CIT: variants seen among roughly 807,000 people sequenced by gnomAD.
CIT encodes citron Rho-interacting kinase.
CIT carries 79 observed loss-of-function variants against 272.7 expected under a neutral mutation model. The ratio of observed to expected loss-of-function variants is 0.29; its 90% CI spans 0.24 to 0.35. The LOEUF is 0.35. Among genes scored for constraint, CIT ranks in the 10% least tolerant of loss-of-function variants. CIT has a pLI of 1.00. For synonymous variants in CIT, 948 were observed against 995.6 expected (o/e 0.95, Z 0.90); for missense variants, 1,909 against 2,618.3 (o/e 0.73, Z 5.91).
At chr12:119,737,505 C>G (rs940390419) in intron 24 of CIT, among the ~76,000 whole-genome samples, 6 of 151,960 alleles carry the variant, frequency 3.9e-5, no homozygotes, top group Non-Finnish European at 8.8e-5. Context: ...GTGATGGTAG[C>G]CCATTTCTGC....
intron 4 of CIT, among the ~76,000 whole-genome samples, chr12:119,851,689 T>G (rs762512576): frequency 2.4e-4 from 36 of 152,222 alleles, no homozygotes; most frequent in African/African-American, 7.7e-4. Flanking sequence ...CAAGTCCACA[T>G]AGATATAAAA....
Position 119,718,335 on chromosome 12 carries a change from C to T in CIT, c.4078G>A (p.Ala1360Thr), listed in dbSNP as rs767158335. The change falls in exon 32 of 48, where the codon GCC becomes ACC. Residue 1360 changes from alanine (A) to threonine (T), a missense_variant. Coordinates refer to ENST00000392521, the MANE Select transcript of CIT (RefSeq NM_001206999.2). This position sits in a 1 kb window ranked among gnomAD's most constrained non-coding sequence, Gnocchi z 4.8. ...TGGTGCTCTGGCGACCGCACGATGGCGGACATGGCGATCTGCTGCCTCGCG... is the reference window on the plus strand; with the variant it reads ...TGGTGCTCTGGCGACCGCACGATGGTGGACATGGCGATCTGCTGCCTCGCG... ...ATARQQIAMS[A>T]IVRSPEHQPS... is the part of the protein sequence containing the mutation. 28 of 1,613,950 alleles carry T rather than the reference C, an allele frequency of 1.7e-5. No homozygotes were observed. The highest frequency in any genetic ancestry group is 3.3e-5 in the South Asian group (3 of 91,066).
chr12:119,853,051 T>C (rs1021620282), intron 4 of CIT, among the ~76,000 whole-genome samples: 1 of 151,978 alleles, frequency 6.6e-6, no homozygotes, highest in African/African-American at 2.4e-5. Context: ...CTTGCAACTT[T>C]TCTATAAATT....
intron 23 of CIT, among the ~76,000 whole-genome samples, chr12:119,750,135 G>A (rs756788696): frequency 6.6e-6 from 1 of 152,204 alleles, no homozygotes; most frequent in Non-Finnish European, 1.5e-5. Flanking sequence ...TTTTCTTTCA[G>A]AGGTTGGGTA....
chr12:119,743,719 TG>T (rs1475452414), intron 23 of CIT, among the ~76,000 whole-genome samples: 1 of 152,190 alleles, frequency 6.6e-6, no homozygotes, highest in East Asian at 1.9e-4. Context: ...AACTATGACA[TG>T]TTTATGTCTG....
At chr12:119,775,986 G>A in intron 15 of CIT, 147 bp from the exon 16 acceptor site, 1 of 634,480 alleles carries the variant, frequency 1.6e-6, no homozygotes, top group Non-Finnish European at 2.7e-6. Context: ...AAGAACAGTG[G>A]CCTCTCAGGG....
chr12:119,838,976 G>C (rs1002454260), intron 5 of CIT, among the ~76,000 whole-genome samples: 1 of 152,208 alleles, frequency 6.6e-6, no homozygotes. Flanking sequence ...GGCAGAGAAA[G>C]CACAGCAGCT....
rs186899529 is a variant in CIT at position 119,692,221 on chromosome 12, G to A, written c.5883-1767C>T. Among the ~76,000 whole-genome samples the A allele has an allele frequency of 2.0e-3, 306 of 152,324 alleles. 3 individuals are homozygous for A. The highest frequency in any genetic ancestry group is 7.0e-3 in the African/African-American group (290 of 41,576). ...CCTAGCTATTAGGAAGGCTAAGGAA[G>A]GAGAATTGCTTGAGCCCAGGAGTTC... On this transcript the variant is annotated intron_variant, in intron 46 of 47. Transcript: ENST00000392521.
At chr12:119,834,048 A>C in intron 6 of CIT, 38 bp downstream of exon 6, 1 of 1,572,322 alleles carries the variant, frequency 6.4e-7, no homozygotes, top group South Asian at 1.2e-5. Context: ...GACACAGGAA[A>C]ATCCTCAGCA....
intron 39 of CIT, among the ~76,000 whole-genome samples, chr12:119,709,783 AGAGAGTGTGTGTGTGT>A (rs1055927689): frequency 1.6e-4 from 9 of 54,750 alleles, no homozygotes; most frequent in Non-Finnish European, 2.6e-4. Flanking sequence ...AGAGAGAGAG[AGAGAGTGTGTGTGTGT>A]GTGTGTGTGT....
At chr12:119,790,205 C>T (rs905137071) in intron 10 of CIT, among the ~76,000 whole-genome samples, 10 of 152,078 alleles carry the variant, frequency 6.6e-5, no homozygotes, top group African/African-American at 2.4e-4. Context: ...AATAATATTA[C>T]ATACATATTA....
At chr12:119,842,800 T>C (rs564512506) in intron 5 of CIT, among the ~76,000 whole-genome samples, 20 of 152,208 alleles carry the variant, frequency 1.3e-4, no homozygotes, top group African/African-American at 4.8e-4. Context: ...TGAAAGAAAA[T>C]AACTCCACTG....
In CIT at chr12:119,712,782, GGAGA is replaced by G. The variant is rs1192857991; in HGVS notation, c.4580-91_4580-88del. The G allele has an allele frequency of 9.2e-7, 1 of 1,091,790 alleles. No individual in the cohort carries two copies. The highest frequency in any genetic ancestry group is 1.4e-6 in the Non-Finnish European group (1 of 722,212). 67.6% of individuals were successfully genotyped at this position (1,091,790 alleles called of 1,614,324 possible). On this transcript the variant is annotated intron_variant, in intron 35 of 47. Transcript: ENST00000392521. This position sits in a 1 kb window ranked among gnomAD's most constrained non-coding sequence, Gnocchi z 5.2. ...AAGAGAGAGCGAGAGAGACAGCAAG[GGAGA>G]GAGAGACAGGGTACGTGTGTAAAGA...
intron 32 of CIT, among the ~76,000 whole-genome samples, chr12:119,714,944 G>T (rs949310763): frequency 6.6e-6 from 1 of 152,194 alleles, no homozygotes; most frequent in African/African-American, 2.4e-5. Flanking sequence ...TCCACCAATG[G>T]TGATATGGTT....
rs1032637116 is a variant in CIT, at chr12:119,686,369, C to T, written c.*1863G>A. Reference sequence around the variant, plus strand: ...AACTTCAGCAAACATTCAATCAAATCTGCCCTGGGGACGGGAGGGGAGGGA... The same window carrying T: ...AACTTCAGCAAACATTCAATCAAATTTGCCCTGGGGACGGGAGGGGAGGGA... On this transcript the variant is annotated 3_prime_UTR_variant, in exon 48 of 48. Coordinates refer to ENST00000392521, the MANE Select transcript of CIT (RefSeq NM_001206999.2). 5.3e-5 allele frequency: 8 copies of T among 152,230 alleles called. No homozygotes were observed. Among genetic ancestry groups the T allele is most frequent in the African/African-American group, 1.9e-4 (8 of 41,440 alleles). 9.4% of individuals were successfully genotyped at this position (152,230 alleles called of 1,614,324 possible). A position where few individuals can be genotyped will look rare whatever the true frequency, so the allele number is the denominator to read the frequency against.
At chr12:119,819,487 C>G (rs1020855576) in intron 9 of CIT, among the ~76,000 whole-genome samples, 1 of 152,184 alleles carries the variant, frequency 6.6e-6, no homozygotes, top group Non-Finnish European at 1.5e-5. Flanking sequence ...TTTATATATC[C>G]TGCCAGGACC....
chr12:119,864,201 A>C (rs1950450803), intron 3 of CIT, among the ~76,000 whole-genome samples: 1 of 152,222 alleles, frequency 6.6e-6, no homozygotes, highest in African/African-American at 2.4e-5. Context: ...GATCTTATCT[A>C]TAGTGAATAT....
At chr12:119,699,700 T>A (rs1003047914) in intron 44 of CIT, 2 of 426,070 alleles carry the variant, frequency 4.7e-6, no homozygotes, top group Admixed American at 5.0e-5. Context: ...GAGCCTGTCT[T>A]GGGCTTTCTA....
At chr12:119,717,936 A>G (rs1593462234) in intron 32 of CIT, among the ~76,000 whole-genome samples, 1 of 141,560 alleles carries the variant, frequency 7.1e-6, no homozygotes, top group Admixed American at 7.5e-5. Flanking sequence ...CGCCTCCCGG[A>G]TTCAAGCAAT....
Sources: allele counts gnomAD v4.1 joint callset (sites outside exome capture counted in the v4.1 genomes callset), GRCh38; gene constraint gnomAD v4.1.1; non-coding constraint Gnocchi (gnomAD v3.1); transcripts MANE v1.5; gene names NCBI Gene and HGNC (gene_info 2026-07-23, HGNC 2026-07-21).